The following DSCAM variants were observed in gnomAD, a reference collection of about 807,000 sequenced individuals.
The protein encoded by DSCAM is cell adhesion molecule DSCAM.
Under a neutral mutation model 217.7 loss-of-function variants are expected in DSCAM, and 47 were observed. The observed-to-expected ratio is 0.22, with a 90% CI of 0.17 to 0.28. The LOEUF is 0.28. Among genes scored for constraint, DSCAM ranks in the 10% least tolerant of loss-of-function variants. The probability of loss-of-function intolerance (pLI) is 1.00; values close to 1 mark genes in which losing one functional copy is unlikely to be tolerated. For synonymous variants in DSCAM, 1,056 were observed against 1,015.3 expected (o/e 1.04, Z -0.76); for missense variants, 2,080 against 2,618.3 (o/e 0.79, Z 4.49).
chr21:40,608,503 G>A (rs2089272509), intron 3 of DSCAM, among the ~76,000 whole-genome samples: 1 of 152,188 alleles, frequency 6.6e-6, no homozygotes, highest in African/African-American at 2.4e-5. Context: ...ACTGTTTTGT[G>A]CCCAGATAAG....
At chr21:40,089,227 A>T (rs994254634) in intron 21 of DSCAM, among the ~76,000 whole-genome samples, 2 of 152,198 alleles carry the variant, frequency 1.3e-5, no homozygotes, top group African/African-American at 2.4e-5. Flanking sequence ...GAAATGTATG[A>T]CTGGGCAACT....
At chr21:40,576,091 A>ACT (rs3070782) in intron 3 of DSCAM, among the ~76,000 whole-genome samples, 83,767 of 151,862 alleles carry the variant, frequency 0.55, 23,418 homozygotes, top group East Asian at 0.68. Context: ...ATGCCATCCC[A>ACT]CTTAGTATTT....
At chr21:40,519,074 A>G (rs1418553764) in intron 3 of DSCAM, among the ~76,000 whole-genome samples, 1 of 152,166 alleles carries the variant, frequency 6.6e-6, no homozygotes, top group Non-Finnish European at 1.5e-5. Flanking sequence ...ACTGTCATAC[A>G]TGTAGTCCGA....
At chr21:40,088,699 C>A (rs1254998044) in intron 21 of DSCAM, among the ~76,000 whole-genome samples, 1 of 152,196 alleles carries the variant, frequency 6.6e-6, no homozygotes, top group East Asian at 1.9e-4. Context: ...CATCAGATTT[C>A]CTGCATTGGT....
chr21:40,574,462 G>C (rs1376988667), intron 3 of DSCAM, among the ~76,000 whole-genome samples: 1 of 152,088 alleles, frequency 6.6e-6, no homozygotes, highest in African/African-American at 2.4e-5. Context: ...GAATAAAAGA[G>C]AACTTTCACA....
intron 3 of DSCAM, among the ~76,000 whole-genome samples, chr21:40,457,529 A>C (rs1012523047): frequency 8.0e-5 from 12 of 150,868 alleles, no homozygotes; most frequent in East Asian, 7.8e-4. Flanking sequence ...ATAATAAAAT[A>C]AAACAAACAA....
At chr21:40,225,301 C>T (rs2091322306) in intron 11 of DSCAM, among the ~76,000 whole-genome samples, 1 of 152,180 alleles carries the variant, frequency 6.6e-6, no homozygotes, top group Non-Finnish European at 1.5e-5. Flanking sequence ...CATTTCACGG[C>T]TGCACCTTGC....
chr21:40,206,737 C>A (rs1244523504), intron 11 of DSCAM, among the ~76,000 whole-genome samples: 1 of 148,500 alleles, frequency 6.7e-6, no homozygotes, highest in African/African-American at 2.5e-5. Flanking sequence ...AGCAAGACCC[C>A]ATCTCTACAA....
At chr21:40,535,276 T>C (rs8133246) in intron 3 of DSCAM, among the ~76,000 whole-genome samples, 10,929 of 152,278 alleles carry the variant, frequency 0.072, 610 homozygotes, top group East Asian at 0.21. Flanking sequence ...TTTCTCCTTA[T>C]TATAACATAT....
At chr21:40,706,839 T>G (rs2090722934) in intron 2 of DSCAM, among the ~76,000 whole-genome samples, 2 of 152,214 alleles carry the variant, frequency 1.3e-5, no homozygotes, top group Admixed American at 6.5e-5. Flanking sequence ...GAAATTTGAT[T>G]TGGGTAATAT....
rs560855096 is a variant in DSCAM, at chr21:40,379,501, C to T, written c.509-10256G>A. ...AGAAGGGGAGACTTTCAATATTCAC[C>T]CTGGTCTTTGTATTCCCTCCCCTCC... On this transcript the variant is annotated intron_variant, in intron 3 of 32. Transcript: ENST00000400454. Among the ~76,000 whole-genome samples, 27 of 152,264 alleles carry T rather than the reference C, an allele frequency of 1.8e-4. 1 individual carries two copies. The South Asian group carries it at 2.1e-3, about 12-fold the overall frequency.
At chr21:40,833,497 T>A (rs1262793308) in intron 1 of DSCAM, among the ~76,000 whole-genome samples, 1 of 152,188 alleles carries the variant, frequency 6.6e-6, no homozygotes, top group Non-Finnish European at 1.5e-5. Context: ...AATCACATTA[T>A]AATTTAATCA....
intron 3 of DSCAM, among the ~76,000 whole-genome samples, chr21:40,624,125 C>A (rs1226630500): frequency 6.6e-6 from 1 of 152,158 alleles, no homozygotes; most frequent in Non-Finnish European, 1.5e-5. Context: ...TCTTGCCTCT[C>A]ACAGAATGTT....
At chr21:40,693,368 G>A (rs529237097) in intron 2 of DSCAM, among the ~76,000 whole-genome samples, 2 of 152,082 alleles carry the variant, frequency 1.3e-5, no homozygotes, top group Non-Finnish European at 2.9e-5. Context: ...GGGAGGTTGA[G>A]GCTGCAGTGA....
intron 24 of DSCAM, among the ~76,000 whole-genome samples, chr21:40,081,453 C>G (rs2089456377): frequency 6.6e-6 from 1 of 152,142 alleles, no homozygotes. Context: ...ATCTCCCCTA[C>G]TCCTTTCAGC....
intron 3 of DSCAM, among the ~76,000 whole-genome samples, chr21:40,475,121 C>T (rs2075922823): frequency 1.3e-5 from 2 of 152,252 alleles, no homozygotes; most frequent in Non-Finnish European, 2.9e-5. Flanking sequence ...CACCCTCCTC[C>T]TTCAGACTGT....
At chr21:40,198,574 A>G (rs971861180) in intron 11 of DSCAM, among the ~76,000 whole-genome samples, 3 of 152,172 alleles carry the variant, frequency 2.0e-5, no homozygotes, top group African/African-American at 7.2e-5. Flanking sequence ...ACCTAGAAGC[A>G]GGGAGGGGTG....
intron 6 of DSCAM, among the ~76,000 whole-genome samples, chr21:40,343,878 A>ATTATT (rs1024154155): frequency 6.7e-6 from 1 of 148,410 alleles, no homozygotes; most frequent in African/African-American, 2.5e-5. Context: ...TTTTTATTTT[A>ATTATT]TTATTTTATT....
rs569314219 is a variant in DSCAM, at chr21:40,245,631, G to A, written c.2356+30466C>T. ...AGGGTTGGTGCTGGCAGGGAGGCTCGCTTAGGTGGGTGGAGCTCATAGTCT... is the reference window on the plus strand; with the variant it reads ...AGGGTTGGTGCTGGCAGGGAGGCTCACTTAGGTGGGTGGAGCTCATAGTCT... On this transcript the variant is annotated intron_variant, in intron 11 of 32. Transcript: ENST00000400454. Among the ~76,000 whole-genome samples the A allele has an allele frequency of 3.3e-5, 5 of 152,290 alleles. No individual in the cohort carries two copies. In the South Asian group the frequency reaches 8.3e-4, roughly 25 times the overall value.
Sources: allele counts gnomAD v4.1 joint callset (sites outside exome capture counted in the v4.1 genomes callset), GRCh38; gene constraint gnomAD v4.1.1; transcripts MANE v1.5; gene names NCBI Gene and HGNC (gene_info 2026-07-23, HGNC 2026-07-21).